SERINC5: variants seen among roughly 807,000 people sequenced by gnomAD.
SERINC5 encodes chromosome 5 open reading frame 12.
SERINC5 carries 41 observed loss-of-function variants against 63.1 expected under a neutral mutation model. The ratio of observed to expected loss-of-function variants is 0.65; its 90% confidence interval spans 0.51 to 0.84. SERINC5 has a LOEUF of 0.84. Ranked by LOEUF, SERINC5 falls within the 40% of genes least tolerant of loss-of-function variation. The pLI is 0.00. For synonymous variants in SERINC5, 222 were observed against 215.2 expected, an observed-to-expected ratio of 1.03 and a Z score of -0.28; for missense variants, 523 against 573.0, an observed-to-expected ratio of 0.91 and a Z score of 0.89.
rs117733296 is a variant in SERINC5 at position 80,225,884 on chromosome 5, C to T, written c.28-22831G>A. Among the ~76,000 whole-genome samples, 107 of 152,316 alleles carry T rather than the reference C, an allele frequency of 7.0e-4. No homozygotes were observed. The East Asian group carries it at 0.018, about 25-fold the overall frequency. On this transcript the variant is annotated intron_variant, in intron 1 of 11. Coordinates refer to ENST00000507668, the MANE Select transcript of SERINC5 (RefSeq NM_001174072.3). ...ATTATATCCTGTGCTTCCATCGAAA[C>T]ACCAAAATTAAAGATGTGAGTGTCT...
intron 2 of SERINC5, among the ~76,000 whole-genome samples, chr5:80,187,378 T>C (rs6453507): frequency 0.6 from 91,755 of 151,992 alleles, 28,652 homozygotes; most frequent in East Asian, 0.78. Flanking sequence ...CAGTCTGCCT[T>C]TCCCTTTTCT....
Position 80,141,872 on chromosome 5 carries a change from T to C in SERINC5, c.*1791A>G. On this transcript the variant is annotated 3_prime_UTR_variant, in exon 12 of 12. Transcript: ENST00000507668. ...ACACAGATGGAGTGCCTTTTGAAAC[T>C]GAATCTCAAACACTCTAAGTAGGGA... 1.0e-6 allele frequency: 1 copy of C among 985,438 alleles called. No homozygotes were observed. Among genetic ancestry groups the C allele is most frequent in the Non-Finnish European group, 1.2e-6 (1 of 829,924 alleles). 61.0% of individuals were successfully genotyped at this position (985,438 alleles called of 1,614,324 possible). A position where few individuals can be genotyped will look rare whatever the true frequency, so the allele number is the denominator to read the frequency against.
At position 80,139,114 on chromosome 5, in the gene SERINC5, AT is replaced by A. The variant is rs1745352625; in HGVS notation, c.*4548del. 1 of 984,814 alleles carries A rather than the reference AT, an allele frequency of 1.0e-6. No homozygotes were observed. The highest frequency in any genetic ancestry group is 1.2e-6 in the Non-Finnish European group (1 of 829,492). 61.0% of individuals were successfully genotyped at this position (984,814 alleles called of 1,614,324 possible). The stretch of plus-strand genomic sequence containing the variant: ...ACAGTAGATTTACCACACATATTGC[AT>A]TTTCAAATTCTAATGTAGCAAAACG... On this transcript the variant is annotated 3_prime_UTR_variant, in exon 12 of 12. Transcript: ENST00000507668.
At chr5:80,122,375 C>T (rs1179347959) in intron 11 of SERINC5, among the ~76,000 whole-genome samples, 1 of 151,912 alleles carries the variant, frequency 6.6e-6, no homozygotes, top group African/African-American at 2.4e-5. Context: ...ATTTTTCTGC[C>T]TGCTTATATT....
intron 11 of SERINC5, among the ~76,000 whole-genome samples, chr5:80,128,126 T>A (rs1402205957): frequency 6.6e-6 from 1 of 152,244 alleles, no homozygotes; most frequent in Non-Finnish European, 1.5e-5. Flanking sequence ...TTACAAAACT[T>A]ATTTCTAGAT....
intron 7 of SERINC5, among the ~76,000 whole-genome samples, chr5:80,164,052 C>G (rs1245004360): frequency 6.6e-6 from 1 of 152,090 alleles, no homozygotes; most frequent in Non-Finnish European, 1.5e-5. Flanking sequence ...TATCACTACT[C>G]ATTATTGGCC....
rs182280373 is a variant in SERINC5 at position 80,255,497 on chromosome 5, C to T, written c.27+399G>A. Among the ~76,000 whole-genome samples the T allele has an allele frequency of 1.6e-4, 24 of 152,250 alleles. No individual in the cohort carries two copies. The East Asian group carries it at 4.7e-3, about 30-fold the overall frequency. ...TCAGGGCATAGCAAAGGAGACGGTG[C>T]CTAAACCCACTTTTCTTCCTGGATT... On this transcript the variant is annotated intron_variant, in intron 1 of 11. Coordinates refer to ENST00000507668, the MANE Select transcript of SERINC5 (RefSeq NM_001174072.3).
At chr5:80,204,638 T>C (rs1461910875) in intron 1 of SERINC5, among the ~76,000 whole-genome samples, 4 of 152,120 alleles carry the variant, frequency 2.6e-5, no homozygotes, top group African/African-American at 9.7e-5. Context: ...TCATCTGAAG[T>C]ATTATAATCG....
intron 10 of SERINC5, among the ~76,000 whole-genome samples, chr5:80,147,031 T>G (rs1259301750): frequency 6.6e-6 from 1 of 152,182 alleles, no homozygotes; most frequent in Non-Finnish European, 1.5e-5. Context: ...AAACCAAAAT[T>G]TGGACTGATT....
intron 8 of SERINC5, among the ~76,000 whole-genome samples, chr5:80,156,654 C>T (rs923978073): frequency 1.3e-5 from 2 of 152,144 alleles, no homozygotes; most frequent in African/African-American, 4.8e-5. Flanking sequence ...ATGTTTGTTG[C>T]TGGTATTTAG....
chr5:80,158,337 G>A (rs1259003680), intron 8 of SERINC5: 1 of 153,294 alleles, frequency 6.5e-6, no homozygotes, highest in African/African-American at 2.4e-5. Flanking sequence ...GCAGAAAAGA[G>A]AATGAACATT....
At chr5:80,244,219 CT>C (rs1177734360) in intron 1 of SERINC5, among the ~76,000 whole-genome samples, 287 of 143,622 alleles carry the variant, frequency 2.0e-3, no homozygotes, top group Middle Eastern at 3.5e-3. Context: ...CCCCCAAGCA[CT>C]TTTTTTTTTT....
chr5:80,213,210 T>G (rs138770986), intron 1 of SERINC5, among the ~76,000 whole-genome samples: 2,262 of 129,530 alleles, frequency 0.017, 54 homozygotes, highest in African/African-American at 0.062. Context: ...CGCGCCACTG[T>G]ACTCCAGCCT....
chr5:80,242,511 G>T (rs1338772968), intron 1 of SERINC5, among the ~76,000 whole-genome samples: 1 of 26 alleles, frequency 0.038, no homozygotes, highest in Non-Finnish European at 0.071. Flanking sequence ...CCCAGCATTT[G>T]GGAGGCGAGG....
intron 2 of SERINC5, among the ~76,000 whole-genome samples, chr5:80,187,834 C>A (rs1748914774): frequency 6.6e-6 from 1 of 152,104 alleles, no homozygotes; most frequent in Non-Finnish European, 1.5e-5. Context: ...GATTAAGCAG[C>A]CAGAAAGCAA....
rs1483524077 is a variant in SERINC5, at chr5:80,143,755, C to T, written c.1294G>A (p.Val432Ile). The change falls in exon 12 of 12, where the codon GTC (valine) becomes ATC (isoleucine). Residue 432 changes from valine (V) to isoleucine (I), a missense_variant. Physicochemically the swap from Val to Ile is conservative, Grantham distance 29 (BLOSUM62 3). Coordinates refer to ENST00000507668, the MANE Select transcript of SERINC5 (RefSeq NM_001174072.3). ...FFSGSWSIFW[V>I]KMASCWICVL... ...CATATCCAGCAGGAGGCCATCTTGA[C>T]CCAGAAGATGGACCAGCTCCCGCTG... 1 of 1,536,108 alleles carries T rather than the reference C, an allele frequency of 6.5e-7. No individual in the cohort carries two copies.
intron 1 of SERINC5, among the ~76,000 whole-genome samples, chr5:80,223,881 T>C (rs1239586553): frequency 6.6e-6 from 1 of 151,868 alleles, no homozygotes; most frequent in Non-Finnish European, 1.5e-5. Flanking sequence ...ATCCCAGCAC[T>C]TTGGGAGGCC....
intron 1 of SERINC5, among the ~76,000 whole-genome samples, chr5:80,243,218 C>T (rs572094914): frequency 6.6e-6 from 1 of 152,244 alleles, no homozygotes; most frequent in South Asian, 2.1e-4. Context: ...TACCTAATTC[C>T]CTATAGTAAA....
intron 1 of SERINC5, among the ~76,000 whole-genome samples, chr5:80,232,599 C>T (rs112580850): frequency 0.23 from 34,566 of 151,798 alleles, 4,926 homozygotes; most frequent in African/African-American, 0.4. Context: ...GCCTGGCCAA[C>T]ATAGTGAAGC....
Sources: gnomAD v4.1 joint callset for allele counts (sites outside exome capture counted in the v4.1 genomes callset) on GRCh38, gnomAD v4.1.1 for gene constraint, MANE v1.5 for transcripts, NCBI Gene and HGNC (gene_info 2026-07-23, HGNC 2026-07-21) for gene names.